DEPDC5: variants seen among roughly 807,000 people sequenced by gnomAD.
DEPDC5 encodes DEP domain containing 5, GATOR1 subcomplex subunit, also known as GATOR1 complex protein DEPDC5.
DEPDC5 carries 73 observed loss-of-function variants against 217.3 expected under a neutral mutation model. The observed-to-expected ratio is 0.34, with a 90% CI of 0.28 to 0.41. The LOEUF (loss-of-function observed/expected upper bound fraction) is 0.41. Among genes scored for constraint, DEPDC5 ranks in the 10% least tolerant of loss-of-function variants. DEPDC5 has a pLI of 1.00. For synonymous variants in DEPDC5, 733 were observed against 756.7 expected (o/e 0.97, Z 0.51); for missense variants, 1,675 against 2,070.1 (o/e 0.81, Z 3.70).
chr22:31,899,942 CAGAAGGCATG>C (rs1215856950), intron 40 of DEPDC5, among the ~76,000 whole-genome samples: 1 of 152,182 alleles, frequency 6.6e-6, no homozygotes, highest in Non-Finnish European at 1.5e-5. Context: ...AACAGCCTTG[CAGAAGGCATG>C]AGGCTGGAGT....
rs2082133791 is a variant in DEPDC5 at position 31,758,691 on chromosome 22, A to C, written c.146+58A>C. ...AATTCACTGTTTCCAAATGATGTCCAAGGCAGATAGCTCTCTTTGCCTTTC... is the reference window on the plus strand; with the variant it reads ...AATTCACTGTTTCCAAATGATGTCCCAGGCAGATAGCTCTCTTTGCCTTTC... On this transcript the variant is annotated intron_variant, in intron 3 of 42. Coordinates refer to ENST00000651528, the MANE Select transcript of DEPDC5 (RefSeq NM_001242896.3). The C allele has an allele frequency of 8.8e-6, 13 of 1,485,544 alleles. No individual in the cohort carries two copies. The South Asian group carries it at 1.2e-4, about 14-fold the overall frequency. The allele number at this position is 1,485,544 out of a possible 1,614,324, so 92.0% of individuals were successfully genotyped here. A position where few individuals can be genotyped will look rare whatever the true frequency, so the allele number is the denominator to read the frequency against.
At chr22:31,796,889 G>T (rs1464962734) in intron 12 of DEPDC5, among the ~76,000 whole-genome samples, 2 of 151,842 alleles carry the variant, frequency 1.3e-5, no homozygotes, top group East Asian at 3.9e-4. Flanking sequence ...TAGAGATGGG[G>T]TTTCACCGTG....
intron 4 of DEPDC5, among the ~76,000 whole-genome samples, chr22:31,761,579 T>C (rs1001697539): frequency 6.6e-6 from 1 of 150,524 alleles, no homozygotes; most frequent in Non-Finnish European, 1.5e-5. Context: ...GGAAGGATCA[T>C]TGGGTCCCAA....
intron 25 of DEPDC5, 158 bp downstream of exon 25, chr22:31,834,138 G>T (rs1262607072): frequency 1.3e-6 from 1 of 782,654 alleles, no homozygotes; most frequent in Non-Finnish European, 2.3e-6. Context: ...GGACTCTCTG[G>T]ACTCTGTGAT....
chr22:31,797,746 T>C (rs1288964651), intron 13 of DEPDC5, 43 bp downstream of exon 13: 15 of 1,442,250 alleles, frequency 1.0e-5, no homozygotes, highest in Non-Finnish European at 1.5e-5. Flanking sequence ...GGAAAGGAAG[T>C]GTAGGAGGGG....
intron 38 of DEPDC5, among the ~76,000 whole-genome samples, chr22:31,891,610 A>T (rs2093439693): frequency 6.6e-6 from 1 of 152,182 alleles, no homozygotes; most frequent in Non-Finnish European, 1.5e-5. Context: ...AGTGAGAAAA[A>T]CCCACTCAGG....
At chr22:31,772,566 G>A (rs983842250) in intron 7 of DEPDC5, among the ~76,000 whole-genome samples, 1 of 152,230 alleles carries the variant, frequency 6.6e-6, no homozygotes, top group Admixed American at 6.6e-5. Context: ...GACTTTGTGA[G>A]TAGCAATAGA....
At chr22:31,888,384 G>A (rs1205801681) in intron 38 of DEPDC5, among the ~76,000 whole-genome samples, 1 of 151,348 alleles carries the variant, frequency 6.6e-6, no homozygotes, top group Non-Finnish European at 1.5e-5. Context: ...CGAGTAGCTG[G>A]GATTACAGGC....
chr22:31,874,539 G>A, intron 36 of DEPDC5, 134 bp downstream of exon 36: 1 of 1,104,524 alleles, frequency 9.1e-7, no homozygotes, highest in African/African-American at 1.6e-5. Context: ...TAAGTGGGAG[G>A]CCTTTCTGGA....
Position 31,846,781 on chromosome 22 carries a change from T to C in DEPDC5, c.3022-53T>C. 4 of 1,613,104 alleles carry C rather than the reference T, an allele frequency of 2.5e-6. No homozygotes were observed. In the East Asian group the frequency reaches 8.9e-5, roughly 36 times the overall value. On this transcript the variant is annotated intron_variant, in intron 30 of 42. Coordinates refer to ENST00000651528, the MANE Select transcript of DEPDC5 (RefSeq NM_001242896.3). ...CAGCATGCCCTGGGGCATGAGTGGCTTCCACTGAGAGCCCACTTGGCTGAT... is the reference window on the plus strand; with the variant it reads ...CAGCATGCCCTGGGGCATGAGTGGCCTCCACTGAGAGCCCACTTGGCTGAT...
intron 2 of DEPDC5, chr22:31,755,562 CCTTT>C (rs1013864058): frequency 2.6e-5 from 4 of 151,758 alleles, no homozygotes; most frequent in Non-Finnish European, 4.4e-5. Flanking sequence ...TATTTTTTTT[CCTTT>C]CTTTTCTTTT....
chr22:31,800,792 C>T (rs1277146556), intron 14 of DEPDC5, among the ~76,000 whole-genome samples: 1 of 151,932 alleles, frequency 6.6e-6, no homozygotes, highest in Admixed American at 6.6e-5. Context: ...GCCTGGGCAA[C>T]ATGGTGAAAC....
chr22:31,778,404 C>T (rs975201642), intron 8 of DEPDC5, among the ~76,000 whole-genome samples: 32 of 152,086 alleles, frequency 2.1e-4, no homozygotes, highest in East Asian at 1.9e-3. Flanking sequence ...GGAAGAATTA[C>T]CGGGATCCTA....
chr22:31,836,423 A>G (rs1602290526), intron 25 of DEPDC5, among the ~76,000 whole-genome samples: 1 of 152,360 alleles, frequency 6.6e-6, no homozygotes, highest in Admixed American at 6.5e-5. Flanking sequence ...TGTCTCTTAA[A>G]GTTCCAGCCT....
At chr22:31,865,280 C>G (rs1232820160) in intron 33 of DEPDC5, among the ~76,000 whole-genome samples, 2 of 152,124 alleles carry the variant, frequency 1.3e-5, no homozygotes, top group African/African-American at 2.4e-5. Context: ...CCCTATTAGT[C>G]CAGGAGTTTG....
chr22:31,820,112 T>TTGTGTGTG lies in DEPDC5; in HGVS notation c.1870+898_1870+905dup, dbSNP rs3069112. 3.6e-3 allele frequency among the ~76,000 whole-genome samples: 551 copies of TTGTGTGTG among 151,486 alleles called. 3 individuals carry two copies. Among genetic ancestry groups the TTGTGTGTG allele is most frequent in the African/African-American group, 0.012 (514 of 41,272 alleles). ...AACAAATGCATTAAACTCCAGGATT[T>TTGTGTGTG]TGTGTGTGTGTGTGTGTGAGACAGT... On this transcript the variant is annotated intron_variant, in intron 22 of 42. Transcript: ENST00000651528.
chr22:31,864,292 T>TA (rs1195860666), intron 33 of DEPDC5, among the ~76,000 whole-genome samples: 2 of 151,018 alleles, frequency 1.3e-5, no homozygotes, highest in African/African-American at 4.9e-5. Flanking sequence ...GTATTTTTAG[T>TA]AGAAATGGGG....
At chr22:31,830,426 G>T (rs1203197816) in intron 24 of DEPDC5, among the ~76,000 whole-genome samples, 1 of 152,264 alleles carries the variant, frequency 6.6e-6, no homozygotes, top group Admixed American at 6.5e-5. Context: ...TTGCAGGCTG[G>T]TGGGACTCTT....
At chr22:31,754,360 G>C (rs545019899) in intron 1 of DEPDC5, among the ~76,000 whole-genome samples, 196 bp downstream of exon 1, 1 of 152,262 alleles carries the variant, frequency 6.6e-6, no homozygotes, top group Non-Finnish European at 1.5e-5. Context: ...CACAGACCGA[G>C]GTTTGGGGAA....
Sources: allele counts gnomAD v4.1 joint callset (sites outside exome capture counted in the v4.1 genomes callset), GRCh38; gene constraint gnomAD v4.1.1; transcripts MANE v1.5; gene names NCBI Gene and HGNC (gene_info 2026-07-23, HGNC 2026-07-21).